The following TSNARE1 variants were observed in gnomAD, a reference collection of about 807,000 sequenced individuals.
TSNARE1 encodes the protein t-SNARE domain-containing protein 1.
Under a neutral mutation model 62.0 loss-of-function variants are expected in TSNARE1, and 49 were observed. That is an observed-to-expected ratio of 0.79 (90% CI 0.63 to 1.00). TSNARE1 has a LOEUF of 1.00. Among genes scored for constraint, TSNARE1 ranks in the 50% least tolerant of loss-of-function variants. The pLI is 0.00. For missense variants in TSNARE1, 755 were observed against 700.1 expected (o/e 1.08, Z -0.88); for synonymous variants, 328 against 294.4 (o/e 1.11, Z -1.17).
intron 12 of TSNARE1, among the ~76,000 whole-genome samples, chr8:142,256,398 CAGCAGCA>C (rs1818574027): frequency 7.6e-6 from 1 of 131,234 alleles, no homozygotes; most frequent in Non-Finnish European, 1.7e-5. Context: ...CCAATACCAC[CAGCAGCA>C]ACCACCATCA....
At chr8:142,360,315 A>G (rs1466480636) in intron 1 of TSNARE1, among the ~76,000 whole-genome samples, 3 of 151,852 alleles carry the variant, frequency 2.0e-5, no homozygotes, top group Non-Finnish European at 4.4e-5. Flanking sequence ...CCCTTGGGGG[A>G]GTGTGGCAAG....
intron 2 of TSNARE1, among the ~76,000 whole-genome samples, chr8:142,351,473 A>G (rs1834084978): frequency 6.6e-6 from 1 of 152,226 alleles, no homozygotes; most frequent in Non-Finnish European, 1.5e-5. Context: ...GCAAGACATT[A>G]AAGAAAACCC....
At chr8:142,278,800 G>C in intron 11 of TSNARE1, 1 of 985,442 alleles carries the variant, frequency 1.0e-6, no homozygotes. Context: ...GGGCTTCCAA[G>C]TGGGCCCAGA....
intron 4 of TSNARE1, 125 bp from the exon 5 acceptor site, chr8:142,331,956 C>T: frequency 1.1e-6 from 1 of 911,396 alleles, no homozygotes; most frequent in Non-Finnish European, 1.7e-6. Flanking sequence ...TGGCCCTGAA[C>T]CCCCTCACTG....
chr8:142,379,686 G>A (rs1564003670), intron 1 of TSNARE1, among the ~76,000 whole-genome samples: 1 of 152,194 alleles, frequency 6.6e-6, no homozygotes, highest in Non-Finnish European at 1.5e-5. Flanking sequence ...GACAGACGCA[G>A]CCCCCAGTGC....
intron 1 of TSNARE1, among the ~76,000 whole-genome samples, chr8:142,365,108 T>C (rs1403133332): frequency 6.6e-6 from 1 of 152,174 alleles, no homozygotes; most frequent in African/African-American, 2.4e-5. Context: ...CTTAATCAAA[T>C]GATCTAAGTC....
At chr8:142,217,850 G>A (rs80047587) in intron 13 of TSNARE1, among the ~76,000 whole-genome samples, 6 of 110,976 alleles carry the variant, frequency 5.4e-5, no homozygotes, top group African/African-American at 1.8e-4. Context: ...CAGTGTGTGA[G>A]CAGGATCAGG....
chr8:142,385,075 G>A (rs1307375146), intron 1 of TSNARE1, among the ~76,000 whole-genome samples: 1 of 152,040 alleles, frequency 6.6e-6, no homozygotes, highest in East Asian at 1.9e-4. Context: ...ATGAAATGAG[G>A]TGAGAGAAAG....
intron 4 of TSNARE1, among the ~76,000 whole-genome samples, chr8:142,342,403 C>T (rs907633301): frequency 5.3e-5 from 8 of 152,212 alleles, no homozygotes; most frequent in Non-Finnish European, 1.2e-4. Context: ...CACTGCGGTC[C>T]TCGCCACACA....
chr8:142,264,928 G>A (rs556401165), intron 12 of TSNARE1, among the ~76,000 whole-genome samples: 5 of 152,012 alleles, frequency 3.3e-5, no homozygotes, highest in East Asian at 1.9e-4. Context: ...TTGTGTTCTC[G>A]CCCTGTCCTG....
chr8:142,251,825 C>T (rs1019642572), intron 12 of TSNARE1, among the ~76,000 whole-genome samples: 16 of 145,168 alleles, frequency 1.1e-4, no homozygotes, highest in East Asian at 4.2e-4. Flanking sequence ...CCGCCACCCG[C>T]GTTCTCTATC....
At chr8:142,243,017 A>G (rs1817737011) in intron 12 of TSNARE1, among the ~76,000 whole-genome samples, 1 of 151,962 alleles carries the variant, frequency 6.6e-6, no homozygotes, top group African/African-American at 2.4e-5. Context: ...TTCATCAGGA[A>G]AGTGCAAATT....
intron 12 of TSNARE1, among the ~76,000 whole-genome samples, chr8:142,259,582 C>G (rs1563785465): frequency 1.3e-5 from 2 of 152,242 alleles, no homozygotes; most frequent in African/African-American, 4.8e-5. Context: ...CTGCAGGCAG[C>G]TCAGGCCTCA....
upstream of TSNARE1, chr8:142,406,215 G>T (rs938231921): frequency 6.6e-6 from 1 of 152,334 alleles, no homozygotes; most frequent in African/African-American, 2.4e-5. Context: ...CAATGGCACC[G>T]TCAGACTCAT....
intron 1 of TSNARE1, among the ~76,000 whole-genome samples, chr8:142,371,042 G>A (rs1835880220): frequency 6.6e-6 from 1 of 152,194 alleles, no homozygotes; most frequent in Admixed American, 6.5e-5. Context: ...ACAGGTACAA[G>A]AGGACATCAT....
At chr8:142,348,976 C>T (rs571257752) in intron 2 of TSNARE1, among the ~76,000 whole-genome samples, 189 of 152,302 alleles carry the variant, frequency 1.2e-3, no homozygotes, top group Middle Eastern at 3.4e-3. Flanking sequence ...TGACCCTACA[C>T]CCATGGGGAA....
rs1563750290 is a variant in TSNARE1 at position 142,217,343 on chromosome 8, GA to G, written c.*12-5031del. On this transcript the variant is annotated intron_variant, in intron 13 of 13. Transcript: ENST00000524325. ...AGAAAGAAAGAAAGAAAGAAAGAAA[GA>G]AAGAAAGAAAGAAAGAAAGAAAGAA... 1.6e-4 allele frequency among the ~76,000 whole-genome samples: 15 copies of G among 93,556 alleles called. No individual in the cohort carries two copies. The East Asian group carries it at 3.5e-3, about 22-fold the overall frequency. The allele number at this position is 93,556 out of a possible 152,430, so 61.4% of individuals were successfully genotyped here.
intron 10 of TSNARE1, among the ~76,000 whole-genome samples, chr8:142,299,720 TCA>T (rs1825390931): frequency 1.3e-5 from 2 of 151,578 alleles, no homozygotes; most frequent in South Asian, 4.2e-4. Context: ...ACGCACGCAC[TCA>T]CATGCACGCA....
rs1587040188 is a variant in TSNARE1, at chr8:142,367,603, G to A, written c.-39-12840C>T. On this transcript the variant is annotated intron_variant, in intron 1 of 13. Coordinates refer to ENST00000524325, the MANE Select transcript of TSNARE1 (RefSeq NM_145003.5). The stretch of plus-strand genomic sequence containing the variant: ...GGGTGATGGAGATATTCTGGCATTT[G>A]ATAGTAATGAATGTACAACACTGTA... Among the ~76,000 whole-genome samples, 5 of 152,326 alleles carry A rather than the reference G, an allele frequency of 3.3e-5. No individual in the cohort carries two copies. The South Asian group carries it at 1.0e-3, about 32-fold the overall frequency.
Sources: allele counts gnomAD v4.1 joint callset (sites outside exome capture counted in the v4.1 genomes callset), GRCh38; gene constraint gnomAD v4.1.1; transcripts MANE v1.5; gene names NCBI Gene and HGNC (gene_info 2026-07-23, HGNC 2026-07-21).